The following CNTNAP2 variants were observed in gnomAD, a reference collection of about 807,000 sequenced individuals.
The protein encoded by CNTNAP2 is contactin associated protein 2.
CNTNAP2 carries 98 observed loss-of-function variants against 155.2 expected under a neutral mutation model. The observed-to-expected ratio is 0.63, with a 90% CI of 0.54 to 0.75. CNTNAP2 has a LOEUF of 0.75. Among genes scored for constraint, CNTNAP2 ranks in the 30% least tolerant of loss-of-function variants. The pLI, the probability that CNTNAP2 is intolerant of heterozygous loss-of-function variation, is 0.00. For synonymous variants in CNTNAP2, 651 were observed against 631.2 expected, an observed-to-expected ratio of 1.03 and a Z score of -0.47; for missense variants, 1,727 against 1,688.1, an observed-to-expected ratio of 1.02 and a Z score of -0.40.
At chr7:147,512,536 AAGT>A (rs1439127671) in intron 11 of CNTNAP2, among the ~76,000 whole-genome samples, 2 of 152,316 alleles carry the variant, frequency 1.3e-5, no homozygotes, top group East Asian at 1.9e-4. Context: ...CTAAAGATCA[AAGT>A]AGTAGGAAAA....
rs541776133 is a variant in CNTNAP2 at position 147,360,861 on chromosome 7, A to G, written c.1499-34748A>G. 3.9e-5 allele frequency among the ~76,000 whole-genome samples: 6 copies of G among 152,310 alleles called. No individual in the cohort carries two copies. The South Asian group carries it at 1.0e-3, about 26-fold the overall frequency. ...AGGCCAAGGCAACAAAATTATATGAAAAGGTATGTAGGTGGTCGCAGAAGG... is the reference window on the plus strand; with the variant it reads ...AGGCCAAGGCAACAAAATTATATGAGAAGGTATGTAGGTGGTCGCAGAAGG... On this transcript the variant is annotated intron_variant, in intron 9 of 23. Coordinates refer to ENST00000361727, the MANE Select transcript of CNTNAP2 (RefSeq NM_014141.6).
intron 1 of CNTNAP2, among the ~76,000 whole-genome samples, chr7:146,305,279 C>T (rs1386204511): frequency 1.3e-5 from 2 of 152,144 alleles, no homozygotes; most frequent in Non-Finnish European, 2.9e-5. Context: ...TCTCTCAACT[C>T]GTCAAAGTCT....
chr7:148,168,354 C>T (rs1027309616), intron 17 of CNTNAP2, among the ~76,000 whole-genome samples: 1 of 152,078 alleles, frequency 6.6e-6, no homozygotes, highest in Non-Finnish European at 1.5e-5. Flanking sequence ...AAATGTGGCA[C>T]ATATACACCA....
intron 11 of CNTNAP2, among the ~76,000 whole-genome samples, chr7:147,514,925 C>T (rs1799092132): frequency 2.0e-5 from 3 of 152,192 alleles, no homozygotes; most frequent in Admixed American, 2.0e-4. Context: ...CTCATCACAG[C>T]AGCCAGTGTG....
At chr7:146,987,904 A>G in intron 3 of CNTNAP2, among the ~76,000 whole-genome samples, 1 of 152,256 alleles carries the variant, frequency 6.6e-6, no homozygotes, top group East Asian at 1.9e-4. Context: ...GACTGTAAAA[A>G]TGAAATAAGA....
intron 13 of CNTNAP2, among the ~76,000 whole-genome samples, chr7:147,654,943 A>G (rs1327652722): frequency 2.7e-5 from 4 of 147,204 alleles, no homozygotes; most frequent in African/African-American, 7.7e-5. Flanking sequence ...CAGCCTCCCA[A>G]ATAGCTGGGA....
chr7:147,750,487 C>T (rs1398688691), intron 13 of CNTNAP2, among the ~76,000 whole-genome samples: 1 of 152,000 alleles, frequency 6.6e-6, no homozygotes, highest in Non-Finnish European at 1.5e-5. Context: ...TCTGTATGAT[C>T]ATAAAAAAGT....
chr7:146,395,829 G>T lies in CNTNAP2; in HGVS notation c.97+278856G>T, dbSNP rs58549196. Among the ~76,000 whole-genome samples, 434 of 87,328 alleles carry T rather than the reference G, an allele frequency of 5.0e-3. 1 individual carries two copies. Among genetic ancestry groups the T allele is most frequent in the African/African-American group, 0.025 (410 of 16,570 alleles). 57.3% of individuals were successfully genotyped at this position (87,328 alleles called of 152,430 possible). ...GATAGATAGATAGATAGATAGAGGA[G>T]AGAGAGAGAGAGAGAGAGAGAGAGA... is the stretch of plus-strand genomic sequence containing the variant. On this transcript the variant is annotated intron_variant, in intron 1 of 23. Coordinates refer to ENST00000361727, the MANE Select transcript of CNTNAP2 (RefSeq NM_014141.6).
At chr7:147,852,709 G>A (rs1164105319) in intron 13 of CNTNAP2, among the ~76,000 whole-genome samples, 1 of 152,122 alleles carries the variant, frequency 6.6e-6, no homozygotes, top group Non-Finnish European at 1.5e-5. Flanking sequence ...GACACCTATT[G>A]ATTTTCTTTC....
At chr7:147,964,184 G>A (rs1222046254) in intron 14 of CNTNAP2, among the ~76,000 whole-genome samples, 1 of 152,056 alleles carries the variant, frequency 6.6e-6, no homozygotes, top group East Asian at 1.9e-4. Flanking sequence ...CGGTGGGAAG[G>A]TGGCCCTCCA....
At chr7:147,354,525 T>G (rs1001820002) in intron 9 of CNTNAP2, among the ~76,000 whole-genome samples, 22 of 152,132 alleles carry the variant, frequency 1.4e-4, no homozygotes, top group African/African-American at 5.3e-4. Flanking sequence ...ACCATGCTGT[T>G]TTGATTACTG....
At chr7:148,386,020 C>T (rs1585328300) in intron 22 of CNTNAP2, among the ~76,000 whole-genome samples, 1 of 152,072 alleles carries the variant, frequency 6.6e-6, no homozygotes, top group Non-Finnish European at 1.5e-5. Context: ...GCTAGGATTA[C>T]AGGATTCTTT....
chr7:147,350,478 GATAA>G (rs1247252111), intron 9 of CNTNAP2, among the ~76,000 whole-genome samples: 4 of 151,602 alleles, frequency 2.6e-5, no homozygotes, highest in Non-Finnish European at 5.9e-5. Flanking sequence ...TAATAAAATT[GATAA>G]ATATTCAACT....
At chr7:146,352,976 G>A (rs372637387) in intron 1 of CNTNAP2, among the ~76,000 whole-genome samples, 1 of 151,594 alleles carries the variant, frequency 6.6e-6, no homozygotes, top group African/African-American at 2.4e-5. Context: ...GGATGGTCTC[G>A]ATCTCCTGAC....
At chr7:147,897,251 G>A (rs1799791807) in intron 13 of CNTNAP2, among the ~76,000 whole-genome samples, 1 of 152,184 alleles carries the variant, frequency 6.6e-6, no homozygotes, top group Non-Finnish European at 1.5e-5. Context: ...TGTCTGCAAT[G>A]AAAATGAAAC....
In CNTNAP2 at chr7:146,565,527, A is replaced by T. The variant is rs1046859150; in HGVS notation, c.98-208744A>T. 1.2e-4 allele frequency among the ~76,000 whole-genome samples: 18 copies of T among 152,196 alleles called. 1 individual carries two copies. The highest frequency in any genetic ancestry group is 3.9e-4 in the African/African-American group (16 of 41,458). On this transcript the variant is annotated intron_variant, in intron 1 of 23. Coordinates refer to ENST00000361727, the MANE Select transcript of CNTNAP2 (RefSeq NM_014141.6). ...AAATATATGGGGGTAAGGAACTCAC[A>T]TTGCTACGCTTTTTTATTCTGTTTG...
chr7:146,166,393 A>G (rs1222106870), intron 1 of CNTNAP2, among the ~76,000 whole-genome samples: 1 of 152,088 alleles, frequency 6.6e-6, no homozygotes, highest in Non-Finnish European at 1.5e-5. Context: ...ACACCTGGCC[A>G]TATTTCCCCC....
At chr7:147,627,614 C>A (rs1193105017) in intron 12 of CNTNAP2, among the ~76,000 whole-genome samples, 1 of 148,230 alleles carries the variant, frequency 6.7e-6, no homozygotes, top group African/African-American at 2.5e-5. Context: ...ATGGCTTGAA[C>A]CTGGGAGGCG....
chr7:147,673,309 A>G (rs2116969847), intron 13 of CNTNAP2, among the ~76,000 whole-genome samples: 1 of 152,210 alleles, frequency 6.6e-6, no homozygotes, highest in Admixed American at 6.5e-5. Flanking sequence ...GGAGGTAATT[A>G]CCATGTAACT....
Sources: allele counts gnomAD v4.1 joint callset (sites outside exome capture counted in the v4.1 genomes callset), GRCh38; gene constraint gnomAD v4.1.1; transcripts MANE v1.5; gene names NCBI Gene and HGNC (gene_info 2026-07-23, HGNC 2026-07-21).